HTR4: variants seen among roughly 807,000 people sequenced by gnomAD.
The protein encoded by HTR4 is 5-hydroxytryptamine receptor 4, also known as 5-hydroxytryptamine (serotonin) receptor 4, G protein-coupled.
HTR4 carries 16 observed loss-of-function variants against 36.8 expected under a neutral mutation model. The ratio of observed to expected loss-of-function variants is 0.43; its 90% confidence interval spans 0.29 to 0.66. The LOEUF is 0.66. HTR4 is among the 30% of genes least tolerant of loss of function. The pLI is 0.13. For synonymous variants in HTR4, 189 were observed against 185.1 expected, an observed-to-expected ratio of 1.02 and a Z score of -0.17; for missense variants, 438 against 490.9, an observed-to-expected ratio of 0.89 and a Z score of 1.02.
Position 148,482,165 on chromosome 5 carries a change from C to T in HTR4, c.*1038G>A. On this transcript the variant is annotated 3_prime_UTR_variant, in exon 7 of 7. Transcript: ENST00000377888. ...CAGCATTGCCTCGGCATCCCCAGTGCTGCTGGATCCTGCCCTCCTGCACCT... is the reference window on the plus strand; with the variant it reads ...CAGCATTGCCTCGGCATCCCCAGTGTTGCTGGATCCTGCCCTCCTGCACCT... 1 of 985,758 alleles carries T rather than the reference C, an allele frequency of 1.0e-6. No homozygotes were observed. Among genetic ancestry groups the T allele is most frequent in the Non-Finnish European group, 1.2e-6 (1 of 830,216 alleles). 61.1% of individuals were successfully genotyped at this position (985,758 alleles called of 1,614,324 possible).
At chr5:148,619,566 T>TA (rs1752838618) in intron 2 of HTR4, among the ~76,000 whole-genome samples, 1 of 152,158 alleles carries the variant, frequency 6.6e-6, no homozygotes, top group Non-Finnish European at 1.5e-5. Flanking sequence ...AACGTGGGGC[T>TA]ATCAATAGGG....
intron 2 of HTR4, among the ~76,000 whole-genome samples, chr5:148,615,044 G>T (rs1752605181): frequency 1.3e-5 from 2 of 151,996 alleles, no homozygotes; most frequent in African/African-American, 4.8e-5. Flanking sequence ...GTGCTGGAGA[G>T]GATGTGGAGA....
At chr5:148,576,117 A>AAAAAAAAAC (rs1760895259) in intron 2 of HTR4, among the ~76,000 whole-genome samples, 2 of 136,626 alleles carry the variant, frequency 1.5e-5, no homozygotes, top group Admixed American at 1.5e-4. Context: ...TCTCAAAAAA[A>AAAAAAAAAC]AAAAAAAAAA....
chr5:148,556,313 C>G (rs1759950580), intron 2 of HTR4, among the ~76,000 whole-genome samples: 1 of 152,050 alleles, frequency 6.6e-6, no homozygotes, highest in South Asian at 2.1e-4. Flanking sequence ...CATGAGCCAC[C>G]ACGCCCAGAC....
At chr5:148,545,155 G>A (rs1759325497) in intron 4 of HTR4, among the ~76,000 whole-genome samples, 1 of 152,184 alleles carries the variant, frequency 6.6e-6, no homozygotes, top group Admixed American at 6.5e-5. Context: ...ACGCTCTTGG[G>A]ACAGGGAAAG....
chr5:148,525,821 G>A (rs1254014452), intron 4 of HTR4, among the ~76,000 whole-genome samples: 1 of 152,176 alleles, frequency 6.6e-6, no homozygotes, highest in East Asian at 1.9e-4. Flanking sequence ...CTTGGAATGT[G>A]ACCTTATTTA....
intron 5 of HTR4, 119 bp from the exon 6 acceptor site, chr5:148,510,143 T>G (rs1757428707): frequency 9.7e-6 from 6 of 617,310 alleles, no homozygotes; most frequent in African/African-American, 5.8e-5. Flanking sequence ...AGGAAGAAAG[T>G]GGAGGATTGG....
intron 2 of HTR4, among the ~76,000 whole-genome samples, chr5:148,587,099 C>A (rs748000000): frequency 6.6e-6 from 1 of 152,134 alleles, no homozygotes; most frequent in South Asian, 2.1e-4. Context: ...AGAAACTTAT[C>A]GTACCTGCTG....
intron 5 of HTR4, chr5:148,466,023 T>C: frequency 1.3e-6 from 2 of 1,553,428 alleles, no homozygotes; most frequent in Non-Finnish European, 8.6e-7. Context: ...AGTAGACACA[T>C]GATCTCAGCC....
chr5:148,618,830 C>T (rs1194838767), intron 2 of HTR4, among the ~76,000 whole-genome samples: 1 of 152,300 alleles, frequency 6.6e-6, no homozygotes, highest in South Asian at 2.1e-4. Context: ...AGCTAAGGGC[C>T]ACTGTCAATT....
chr5:148,558,411 G>T (rs940414758), intron 2 of HTR4, among the ~76,000 whole-genome samples: 4 of 152,068 alleles, frequency 2.6e-5, no homozygotes, highest in Non-Finnish European at 5.9e-5. Flanking sequence ...TTTTCTTAGA[G>T]CATTTACTTT....
At chr5:148,501,371 C>T (rs1395278279) in intron 6 of HTR4, among the ~76,000 whole-genome samples, 4 of 152,132 alleles carry the variant, frequency 2.6e-5, no homozygotes, top group Non-Finnish European at 2.9e-5. Context: ...ACTATTGCCT[C>T]TGGGAACAGG....
At chr5:148,644,426 T>G (rs1171123749) in intron 1 of HTR4, among the ~76,000 whole-genome samples, 2 of 112,738 alleles carry the variant, frequency 1.8e-5, no homozygotes, top group Admixed American at 9.2e-5. Flanking sequence ...TCACAAGTTT[T>G]TTTTTTTTTT....
Position 148,509,555 on chromosome 5 carries a change from A to G in HTR4, c.977T>C (p.Ile326Thr). The G allele has an allele frequency of 1.9e-6, 3 of 1,614,064 alleles. No homozygotes were observed. The highest frequency in any genetic ancestry group is 2.5e-6 in the Non-Finnish European group (3 of 1,179,988). ...NKSFRRAFLI[I>T]LCCDDERYRR... Reference sequence around the variant, plus strand: ...GTAGCGCTCATCATCACAGCAGAGGATGATGAGGAAGGCACGTCTAAAAGA... The same window carrying G: ...GTAGCGCTCATCATCACAGCAGAGGGTGATGAGGAAGGCACGTCTAAAAGA... Residue 326 changes from isoleucine (I) to threonine (T), a missense_variant, in exon 6 of 7, where the codon ATC (isoleucine) becomes ACC (threonine). By Grantham distance (89) the Ile-to-Thr change is moderately conservative. Transcript: ENST00000377888.
At chr5:148,464,748 A>G (rs1755379031) in intron 5 of HTR4, among the ~76,000 whole-genome samples, 1 of 152,198 alleles carries the variant, frequency 6.6e-6, no homozygotes, top group Non-Finnish European at 1.5e-5. Context: ...TACACCAAGG[A>G]GTTGAAAATG....
intron 6 of HTR4, among the ~76,000 whole-genome samples, chr5:148,490,170 T>C (rs1350645611): frequency 6.8e-6 from 1 of 148,038 alleles, no homozygotes; most frequent in African/African-American, 2.5e-5. Flanking sequence ...AATATACATA[T>C]ACATATATAT....
chr5:148,598,342 T>C (rs1487719403), intron 2 of HTR4, among the ~76,000 whole-genome samples: 1 of 152,024 alleles, frequency 6.6e-6, no homozygotes, highest in Non-Finnish European at 1.5e-5. Flanking sequence ...GTCAGGAGTT[T>C]GAGACCAGCC....
intron 4 of HTR4, among the ~76,000 whole-genome samples, chr5:148,526,790 G>A (rs908913338): frequency 6.6e-6 from 1 of 152,086 alleles, no homozygotes; most frequent in Admixed American, 6.6e-5. Flanking sequence ...GACAAATATT[G>A]CATGTTGTCC....
chr5:148,459,315 T>C, intron 5 of HTR4, among the ~76,000 whole-genome samples: 1 of 152,202 alleles, frequency 6.6e-6, no homozygotes, highest in Admixed American at 6.5e-5. Flanking sequence ...ACTGTAAATA[T>C]CTGAGAAGAA....
Sources: allele counts gnomAD v4.1 joint callset (sites outside exome capture counted in the v4.1 genomes callset), GRCh38; gene constraint gnomAD v4.1.1; transcripts MANE v1.5; gene names NCBI Gene and HGNC (gene_info 2026-07-23, HGNC 2026-07-21).